Variants in LRRC4B observed in about 807,000 individuals in gnomAD.
LRRC4B encodes the protein leucine-rich repeat-containing protein 4B.
Under a neutral mutation model 7.3 loss-of-function variants are expected in LRRC4B, and 1 was observed. The observed-to-expected ratio is 0.14, with a 90% CI of 0.05 to 0.65. LRRC4B has a LOEUF of 0.65. LRRC4B is among the 30% of genes least tolerant of loss of function. LRRC4B has a pLI of 0.84. For synonymous variants in LRRC4B, 500 were observed against 499.2 expected (o/e 1.00, Z -0.02); for missense variants, 730 against 1,041.6 (o/e 0.70, Z 4.12).
chr19:50,540,068 G>C (rs889500649), intron 2 of LRRC4B, among the ~76,000 whole-genome samples: 2 of 152,140 alleles, frequency 1.3e-5, no homozygotes, highest in Admixed American at 1.3e-4. Context: ...GTGAATTGGA[G>C]ATCCTATTCA....
rs1160167800 is a variant in LRRC4B at position 50,548,892 on chromosome 19, A to T, written c.-35-19T>A. 24 of 737,680 alleles carry T rather than the reference A, an allele frequency of 3.3e-5. No homozygotes were observed. Among genetic ancestry groups the T allele is most frequent in the Non-Finnish European group, 4.1e-5 (20 of 489,862 alleles). The allele number at this position is 737,680 out of a possible 1,614,324, so 45.7% of individuals were successfully genotyped here. A position where few individuals can be genotyped will look rare whatever the true frequency, so the allele number is the denominator to read the frequency against. ...TGGGGGGCTGTGGGTGGGGGAGAGA[A>T]GGGGGAGAGGCTTGGTGAGGGACAG... On this transcript the variant is annotated intron_variant, in intron 1 of 2. Coordinates refer to ENST00000652263, the MANE Select transcript of LRRC4B (RefSeq NM_001080457.2). This position sits in a 1 kb window ranked among gnomAD's most constrained non-coding sequence, Gnocchi z 6.8.
At position 50,519,501 on chromosome 19, in the gene LRRC4B, C is replaced by T. The variant is rs1336991632; in HGVS notation, c.298-86G>A. ...CCAAGGTCCCGGGCGCAGGTGGGGC[C>T]GTGTGGCTGGATCTCCCGTGCTGTG... On this transcript the variant is annotated intron_variant, in intron 2 of 2. Transcript: ENST00000652263. This position sits in a 1 kb window ranked among gnomAD's most constrained non-coding sequence, Gnocchi z 8.1. 65 of 1,452,346 alleles carry T rather than the reference C, an allele frequency of 4.5e-5. No homozygotes were observed. The highest frequency in any genetic ancestry group is 5.5e-5 in the Non-Finnish European group (61 of 1,106,026). The allele number at this position is 1,452,346 out of a possible 1,614,324, so 90.0% of individuals were successfully genotyped here.
At chr19:50,532,085 A>G (rs909238560) in intron 2 of LRRC4B, among the ~76,000 whole-genome samples, 1 of 151,842 alleles carries the variant, frequency 6.6e-6, no homozygotes, top group African/African-American at 2.4e-5. Context: ...ACCCACCAAA[A>G]TTTACCCTGG....
At chr19:50,539,451 G>A (rs1981448160) in intron 2 of LRRC4B, among the ~76,000 whole-genome samples, 1 of 152,046 alleles carries the variant, frequency 6.6e-6, no homozygotes, top group South Asian at 2.1e-4. Context: ...CTGACCCCCT[G>A]CTCCAGATAA....
intron 2 of LRRC4B, among the ~76,000 whole-genome samples, chr19:50,547,096 C>T (rs187200183): frequency 3.3e-5 from 5 of 152,248 alleles, no homozygotes; most frequent in East Asian, 3.9e-4. Flanking sequence ...CCGCACAGTG[C>T]GGAATGTCAC....
rs376869686 is a variant in LRRC4B, at chr19:50,518,006, G to C, written c.1707C>G (p.Asp569Glu). 1.3e-6 allele frequency: 2 copies of C among 1,544,788 alleles called. No homozygotes were observed. The highest frequency in any genetic ancestry group is 1.4e-5 in the African/African-American group (1 of 72,220). ...TGATTTTGGTGGTCTTCATGACGTC[G>C]TCCAGGTCCTTGAGGGCGTTCTCCG... Reference protein sequence around the residue: ...DVTENALKDLDDVMKTTKIII... With the variant: ...DVTENALKDLEDVMKTTKIII... Residue 569 changes from aspartate to glutamate, a missense_variant, in exon 3 of 3, where the codon GAC becomes GAG. Asp to Glu is a conservative substitution (Grantham distance 45, BLOSUM62 2). This residue lies in a region of LRRC4B where 192 missense variants were observed against 228.6 expected (regional missense o/e 0.84). Coordinates refer to ENST00000652263, the MANE Select transcript of LRRC4B (RefSeq NM_001080457.2).
rs369817015 is a variant in LRRC4B, at chr19:50,548,536, G to A, written c.297+6C>T. On this transcript the variant is annotated splice_donor_region_variant and intron_variant, in intron 2 of 2. Coordinates refer to ENST00000652263, the MANE Select transcript of LRRC4B (RefSeq NM_001080457.2). This position sits in a 1 kb window ranked among gnomAD's most constrained non-coding sequence, Gnocchi z 6.8. ...AGGTCCCCCTCTGCCCGCTGGCCCC[G>A]CATACCTGGATGCCGTTCTCTTGCA... The A allele has an allele frequency of 1.8e-4, 290 of 1,589,418 alleles. 1 individual carries two copies. The African/African-American group carries it at 3.4e-3, about 18-fold the overall frequency.
rs201669654 is a variant in LRRC4B at position 50,518,320 on chromosome 19, C to T, written c.1393G>A (p.Gly465Ser). 1.1e-4 allele frequency: 170 copies of T among 1,605,870 alleles called. No homozygotes were observed. In the African/African-American group the frequency reaches 1.6e-3, roughly 15 times the overall value. ...CCCCCAGGGCCGCCCCCGCCGCTGC[C>T]GGTGCCCCCGGCCGCCACGGGGTCC... ...AVDPVAAGGTGSGGGGPGGSG... is the reference protein window; with the variant it reads ...AVDPVAAGGTSSGGGGPGGSG... The change falls in exon 3 of 3, where the codon GGC becomes AGC. Residue 465 changes from glycine (G) to serine (S), a missense_variant. Around this residue, in one of 6 missense-constraint regions of LRRC4B, gnomAD observed 192 missense variants for 228.6 expected, o/e 0.84. Coordinates refer to ENST00000652263, the MANE Select transcript of LRRC4B (RefSeq NM_001080457.2).
At position 50,548,881 on chromosome 19, in the gene LRRC4B, T is replaced by TGGGGGGG; in HGVS notation, c.-35-9_-35-8insCCCCCCC. Reference sequence around the variant, plus strand: ...CGCGTGGACGCTGGGGGGCTGTGGGTGGGGGAGAGAAGGGGGAGAGGCTTG... The same window carrying TGGGGGGG: ...CGCGTGGACGCTGGGGGGCTGTGGGTGGGGGGGGGGGGAGAGAAGGGGGAGAGGCTTG... On this transcript the variant is annotated splice_polypyrimidine_tract_variant and intron_variant, in intron 1 of 2. Coordinates refer to ENST00000652263, the MANE Select transcript of LRRC4B (RefSeq NM_001080457.2). This position sits in a 1 kb window ranked among gnomAD's most constrained non-coding sequence, Gnocchi z 6.8. 1 of 433,736 alleles carries TGGGGGGG rather than the reference T, an allele frequency of 2.3e-6. No homozygotes were observed. The highest frequency in any genetic ancestry group is 4.2e-5 in the South Asian group (1 of 23,686). The allele number at this position is 433,736 out of a possible 1,614,324, so 26.9% of individuals were successfully genotyped here.
Position 50,518,255 on chromosome 19 carries a change from G to T in LRRC4B, c.1458C>A (p.Tyr486Ter). 1 of 1,604,394 alleles carries T rather than the reference G, an allele frequency of 6.2e-7. No individual in the cohort carries two copies. ...GGGTCTCCACGGTCACCGTGGTGAA[G>T]TAGGTGTAGCCGCCACTGCCCCCTC... ...GVGGGSGGYT[Y>*]FTTVTVETLE... Residue 486 changes from tyrosine to a stop codon, truncating the protein, a stop_gained, in exon 3 of 3, where the codon TAC becomes TAA. Transcript: ENST00000652263. LOFTEE classifies it low-confidence loss of function (END_TRUNC).
intron 2 of LRRC4B, among the ~76,000 whole-genome samples, chr19:50,527,035 T>C (rs567053503): frequency 7.2e-4 from 75 of 104,454 alleles, no homozygotes; most frequent in African/African-American, 2.4e-3. Context: ...TGTATTTTTG[T>C]ATTTTTTTTT....
chr19:50,567,454 C>T (rs1982666667), intron 1 of LRRC4B, among the ~76,000 whole-genome samples: 1 of 151,816 alleles, frequency 6.6e-6, no homozygotes, highest in African/African-American at 2.4e-5. Flanking sequence ...TTGCCAGGCG[C>T]GGTCACCAAG....
At chr19:50,529,798 CGAT>C (rs1980969697) in intron 2 of LRRC4B, among the ~76,000 whole-genome samples, 1 of 151,932 alleles carries the variant, frequency 6.6e-6, no homozygotes. Flanking sequence ...AGAATCGTCT[CGAT>C]AATAATAATA....
intron 2 of LRRC4B, among the ~76,000 whole-genome samples, chr19:50,531,380 G>A (rs1002252056): frequency 6.6e-6 from 1 of 152,228 alleles, no homozygotes; most frequent in African/African-American, 2.4e-5. Context: ...CGTGACAACA[G>A]CGTGGCCACA....
chr19:50,559,117 C>CA lies in LRRC4B; in HGVS notation c.-36+8826dup, dbSNP rs887060387. ...GGCTTTGAGATAAAAACTGAACTTCCAAAAAAAAAGAAAAAGAAAAAGAAA... is the reference window on the plus strand; with the variant it reads ...GGCTTTGAGATAAAAACTGAACTTCCAAAAAAAAAAGAAAAAGAAAAAGAAA... On this transcript the variant is annotated intron_variant, in intron 1 of 2. Coordinates refer to ENST00000652263, the MANE Select transcript of LRRC4B (RefSeq NM_001080457.2). Among the ~76,000 whole-genome samples the CA allele has an allele frequency of 2.1e-4, 31 of 148,644 alleles. No individual in the cohort carries two copies. In the South Asian group the frequency reaches 3.4e-3, roughly 17 times the overall value.
rs1599779672 is a variant in LRRC4B at position 50,548,729 on chromosome 19, C to T, written c.110G>A (p.Gly37Asp). 1 of 1,540,910 alleles carries T rather than the reference C, an allele frequency of 6.5e-7. No homozygotes were observed. The highest frequency in any genetic ancestry group is 2.4e-5 in the East Asian group (1 of 41,338). ...LWLFSPPLGA[G>D]GGGVAVTSAA... ...AGACGTCACGGCCACTCCACCTCCA[C>T]CGGCCCCCAGGGGTGGGGAGAAGAG... The change falls in exon 2 of 3, where the codon GGT becomes GAT. Residue 37 changes from glycine (G) to aspartate (D), a missense_variant. Transcript: ENST00000652263. This position sits in a 1 kb window ranked among gnomAD's most constrained non-coding sequence, Gnocchi z 6.8.
At chr19:50,543,873 A>AAG (rs1981672721) in intron 2 of LRRC4B, among the ~76,000 whole-genome samples, 3 of 148,556 alleles carry the variant, frequency 2.0e-5, no homozygotes, top group African/African-American at 7.4e-5. Flanking sequence ...AAAAAAAAAA[A>AAG]GAAAGAAAAG....
intron 2 of LRRC4B, among the ~76,000 whole-genome samples, chr19:50,522,459 A>ATTAT (rs71332009): frequency 0.083 from 12,139 of 147,062 alleles, 526 homozygotes; most frequent in East Asian, 0.11. Flanking sequence ...TATTTTATTT[A>ATTAT]TTATTTATTT....
chr19:50,522,354 T>A (rs1980617204), intron 2 of LRRC4B, among the ~76,000 whole-genome samples: 1 of 152,188 alleles, frequency 6.6e-6, no homozygotes, highest in African/African-American at 2.4e-5. Context: ...ATACCTGCAA[T>A]TCCAAAATTC....
Sources: allele counts gnomAD v4.1 joint callset (sites outside exome capture counted in the v4.1 genomes callset), GRCh38; gene constraint gnomAD v4.1.1; regional missense constraint gnomAD v4.1.1; non-coding constraint Gnocchi (gnomAD v3.1); transcripts MANE v1.5; gene names NCBI Gene and HGNC (gene_info 2026-07-23, HGNC 2026-07-21).